The following DSCAM variants were observed in gnomAD, a reference collection of about 807,000 sequenced individuals.
DSCAM encodes the protein DS cell adhesion molecule.
In DSCAM, 47 loss-of-function variants were observed where a neutral mutation model predicts 217.7. The observed-to-expected ratio is 0.22, with a 90% confidence interval of 0.17 to 0.28. The LOEUF (loss-of-function observed/expected upper bound fraction) is 0.28. Ranked by LOEUF, DSCAM falls within the 10% of genes least tolerant of loss-of-function variation. The pLI is 1.00. For synonymous variants in DSCAM, 1,056 were observed against 1,015.3 expected, an observed-to-expected ratio of 1.04 and a Z score of -0.76; for missense variants, 2,080 against 2,618.3, an observed-to-expected ratio of 0.79 and a Z score of 4.49.
At chr21:40,573,271 G>C (rs2076822904) in intron 3 of DSCAM, among the ~76,000 whole-genome samples, 1 of 152,094 alleles carries the variant, frequency 6.6e-6, no homozygotes, top group African/African-American at 2.4e-5. Context: ...CCGGGAGGTG[G>C]AGCTTGCAGT....
intron 1 of DSCAM, among the ~76,000 whole-genome samples, chr21:40,819,816 A>G (rs1296641754): frequency 6.6e-6 from 1 of 152,180 alleles, no homozygotes; most frequent in Non-Finnish European, 1.5e-5. Flanking sequence ...GTCAATTTAC[A>G]TCTTTGATCC....
At chr21:40,664,971 T>C (rs1425248438) in intron 3 of DSCAM, among the ~76,000 whole-genome samples, 2 of 152,090 alleles carry the variant, frequency 1.3e-5, no homozygotes, top group South Asian at 4.1e-4. Context: ...GTCTGGAACC[T>C]CCTCTTCTCT....
rs574497280 is a variant in DSCAM at position 40,767,806 on chromosome 21, T to C, written c.44-59035A>G. On this transcript the variant is annotated intron_variant, in intron 1 of 32. Coordinates refer to ENST00000400454, the MANE Select transcript of DSCAM (RefSeq NM_001389.5). ...TGCCACCTGTGACATTCAGGATCTT[T>C]GAGAGGTAGAACCCGCAGTAGTTTA... Among the ~76,000 whole-genome samples the C allele has an allele frequency of 1.5e-4, 23 of 151,792 alleles. 1 individual carries two copies. In the South Asian group the frequency reaches 4.8e-3, roughly 31 times the overall value.
intron 3 of DSCAM, among the ~76,000 whole-genome samples, chr21:40,448,900 A>G (rs772628907): frequency 6.6e-6 from 1 of 152,188 alleles, no homozygotes; most frequent in Non-Finnish European, 1.5e-5. Flanking sequence ...ACACACATTT[A>G]TTTATATCTT....
In DSCAM at chr21:40,052,112, A is replaced by G. The variant is rs762570868; in HGVS notation, c.5036-5T>C. On this transcript the variant is annotated splice_polypyrimidine_tract_variant and splice_region_variant and intron_variant, in intron 29 of 32. Transcript: ENST00000400454. ...ACAGAACCGTGGAGCGATCATCTAC[A>G]GGATGGCAGGAACACAGAAAGCCAA... is the stretch of plus-strand genomic sequence containing the variant. 6.2e-7 allele frequency: 1 copy of G among 1,613,358 alleles called. No individual in the cohort carries two copies. Among genetic ancestry groups the G allele is most frequent in the Non-Finnish European group, 8.5e-7 (1 of 1,179,690 alleles).
At chr21:40,399,271 CAA>C (rs1491510303) in intron 3 of DSCAM, among the ~76,000 whole-genome samples, 25 of 100,258 alleles carry the variant, frequency 2.5e-4, no homozygotes, top group African/African-American at 1.4e-3. Context: ...CCCTGTCTCA[CAA>C]AACAAAACAA....
intron 3 of DSCAM, among the ~76,000 whole-genome samples, chr21:40,413,650 T>C (rs951989644): frequency 6.6e-5 from 10 of 152,194 alleles, no homozygotes; most frequent in Non-Finnish European, 1.5e-4. Flanking sequence ...ACAGGATGAC[T>C]GAAACAACTT....
intron 8 of DSCAM, among the ~76,000 whole-genome samples, chr21:40,313,763 G>A (rs976143510): frequency 8.6e-5 from 13 of 151,798 alleles, no homozygotes; most frequent in Admixed American, 5.9e-4. Flanking sequence ...CCTTTTTTGT[G>A]TTTTTGCATA....
intron 3 of DSCAM, among the ~76,000 whole-genome samples, chr21:40,532,308 TA>T (rs1275629430): frequency 6.6e-6 from 1 of 151,996 alleles, no homozygotes; most frequent in Non-Finnish European, 1.5e-5. Context: ...GTTAAAAAAA[TA>T]AATAAAAGAT....
chr21:40,323,805 T>C (rs1025077698), intron 8 of DSCAM, among the ~76,000 whole-genome samples: 3 of 152,046 alleles, frequency 2.0e-5, no homozygotes, highest in Non-Finnish European at 4.4e-5. Context: ...GTCATAAATA[T>C]AACAACGAAG....
intron 11 of DSCAM, among the ~76,000 whole-genome samples, chr21:40,206,378 T>G (rs1028461049): frequency 2.0e-5 from 3 of 152,070 alleles, no homozygotes; most frequent in Non-Finnish European, 4.4e-5. Flanking sequence ...CTGGAGGGCA[T>G]GTTAGCACAC....
chr21:40,174,123 CT>C (rs2090692063), intron 15 of DSCAM, among the ~76,000 whole-genome samples: 1 of 152,156 alleles, frequency 6.6e-6, no homozygotes, highest in African/African-American at 2.4e-5. Flanking sequence ...ATCTCATTAA[CT>C]CCGACTGTGT....
Position 40,354,848 on chromosome 21 carries a change from C to CAAAA in DSCAM, c.656-1109_656-1106dup, listed in dbSNP as rs11314417. Among the ~76,000 whole-genome samples the CAAAA allele has an allele frequency of 1.4e-3, 155 of 112,238 alleles. 1 individual carries two copies. Among genetic ancestry groups the CAAAA allele is most frequent in the African/African-American group, 4.0e-3 (101 of 24,964 alleles). 73.6% of individuals were successfully genotyped at this position (112,238 alleles called of 152,430 possible). A position where few individuals can be genotyped will look rare whatever the true frequency, so the allele number is the denominator to read the frequency against. ...TGGGTGAAAGAGAGAAACTCTGTCT[C>CAAAA]AAAAAAAAAAAAAAAAAAAAAAAAA... On this transcript the variant is annotated intron_variant, in intron 4 of 32. Coordinates refer to ENST00000400454, the MANE Select transcript of DSCAM (RefSeq NM_001389.5).
intron 3 of DSCAM, among the ~76,000 whole-genome samples, chr21:40,462,266 T>A (rs2075812022): frequency 6.6e-6 from 1 of 152,184 alleles, no homozygotes; most frequent in African/African-American, 2.4e-5. Flanking sequence ...GAGGCTCTCA[T>A]GATGTGGCAC....
intron 4 of DSCAM, among the ~76,000 whole-genome samples, chr21:40,355,897 T>C (rs1601581515): frequency 6.6e-6 from 1 of 152,242 alleles, no homozygotes; most frequent in Admixed American, 6.5e-5. Context: ...TGTTTGTCTT[T>C]CTGTGCGTGG....
intron 19 of DSCAM, among the ~76,000 whole-genome samples, chr21:40,128,599 T>C (rs1409087884): frequency 6.6e-6 from 1 of 151,512 alleles, no homozygotes; most frequent in Non-Finnish European, 1.5e-5. Context: ...TGTGAGACTT[T>C]CCTATTGGTC....
chr21:40,724,836 T>A (rs897677057), intron 1 of DSCAM, among the ~76,000 whole-genome samples: 2 of 152,264 alleles, frequency 1.3e-5, no homozygotes, highest in African/African-American at 4.8e-5. Flanking sequence ...TTGCTAGAAC[T>A]TCACTATGTT....
intron 3 of DSCAM, among the ~76,000 whole-genome samples, chr21:40,457,101 A>G (rs2075769810): frequency 6.6e-6 from 1 of 152,210 alleles, no homozygotes; most frequent in Non-Finnish European, 1.5e-5. Flanking sequence ...TAATCAAGAT[A>G]TAAATACTGG....
At chr21:40,110,547 C>T (rs942164259) in intron 20 of DSCAM, among the ~76,000 whole-genome samples, 2 of 152,156 alleles carry the variant, frequency 1.3e-5, no homozygotes, top group Non-Finnish European at 2.9e-5. Context: ...TCACCAGCAA[C>T]AGAACAAAGC....
Sources: gnomAD v4.1 joint callset for allele counts (sites outside exome capture counted in the v4.1 genomes callset) on GRCh38, gnomAD v4.1.1 for gene constraint, MANE v1.5 for transcripts, NCBI Gene and HGNC (gene_info 2026-07-23, HGNC 2026-07-21) for gene names.